DNAH11: variants seen among roughly 807,000 people sequenced by gnomAD.
The protein encoded by DNAH11 is axonemal beta dynein heavy chain 11.
Under a neutral mutation model 526.0 loss-of-function variants are expected in DNAH11, and 442 were observed. The ratio of observed to expected loss-of-function variants is 0.84; its 90% CI spans 0.78 to 0.91. The LOEUF is 0.91. Among genes scored for constraint, DNAH11 ranks in the 40% least tolerant of loss-of-function variants. The pLI is 0.00. For synonymous variants in DNAH11, 2,461 were observed against 1,935.9 expected, an observed-to-expected ratio of 1.27 and a Z score of -7.12; for missense variants, 6,989 against 5,448.7, an observed-to-expected ratio of 1.28 and a Z score of -8.90.
chr7:21,840,945 G>T (rs1009951250), intron 65 of DNAH11, among the ~76,000 whole-genome samples: 13 of 152,162 alleles, frequency 8.5e-5, no homozygotes, highest in Admixed American at 2.0e-4. Flanking sequence ...ACTTTGGAAG[G>T]CCAAGGCGGG....
At chr7:21,869,027 AAC>A (rs1562594363) in intron 73 of DNAH11, 36 bp downstream of exon 73, 4 of 1,612,606 alleles carry the variant, frequency 2.5e-6, no homozygotes, top group Non-Finnish European at 3.4e-6. Flanking sequence ...ACTGGGCATA[AAC>A]ACAGAGGAGG....
chr7:21,613,142 C>G (rs1339349620), intron 20 of DNAH11, among the ~76,000 whole-genome samples: 1 of 152,062 alleles, frequency 6.6e-6, no homozygotes, highest in Admixed American at 6.6e-5. Flanking sequence ...TAATGTAGTA[C>G]TATGCAGTAG....
At chr7:21,824,869 C>T (rs1453742436) in intron 65 of DNAH11, among the ~76,000 whole-genome samples, 2 of 152,082 alleles carry the variant, frequency 1.3e-5, no homozygotes, top group East Asian at 1.9e-4. Flanking sequence ...CTTGCAAATT[C>T]GTTACTATAA....
At chr7:21,787,619 C>G (rs771138644) in intron 60 of DNAH11, 36 bp downstream of exon 60, 3 of 1,530,084 alleles carry the variant, frequency 2.0e-6, no homozygotes, top group East Asian at 2.3e-5. Flanking sequence ...CAGATGTTCT[C>G]CACAAAGGGC....
At chr7:21,865,498 C>A (rs77204274) in intron 70 of DNAH11, among the ~76,000 whole-genome samples, 3 of 152,170 alleles carry the variant, frequency 2.0e-5, no homozygotes, top group Non-Finnish European at 4.4e-5. Flanking sequence ...GGAAATCAAC[C>A]AGGGGATGGG....
intron 2 of DNAH11, among the ~76,000 whole-genome samples, chr7:21,552,594 T>C (rs988652316): frequency 6.6e-6 from 1 of 152,170 alleles, no homozygotes; most frequent in Non-Finnish European, 1.5e-5. Flanking sequence ...ATTAAAAGAT[T>C]ATCTGTGTAT....
At position 21,711,739 on chromosome 7, in the gene DNAH11, A is replaced by T; in HGVS notation, c.6862A>T (p.Ile2288Phe). ...GCTGACCCTCGCCAGCAATGAGCGC[A>T]TTGCACTCACTCCCTTCATGAGGCT... ...KVLTLASNER[I>F]ALTPFMRLLF... The change falls in exon 42 of 82, where the codon ATT becomes TTT. Residue 2288 changes from isoleucine (I) to phenylalanine (F), a missense_variant. Ile to Phe is a conservative substitution (Grantham distance 21). Coordinates refer to ENST00000409508, the MANE Select transcript of DNAH11 (RefSeq NM_001277115.2). The T allele has an allele frequency of 6.2e-7, 1 of 1,613,762 alleles. No individual in the cohort carries two copies. Among genetic ancestry groups the T allele is most frequent in the Non-Finnish European group, 8.5e-7 (1 of 1,179,768 alleles).
intron 74 of DNAH11, among the ~76,000 whole-genome samples, chr7:21,876,979 G>C (rs1028645640): frequency 1.3e-5 from 2 of 152,220 alleles, no homozygotes; most frequent in African/African-American, 4.8e-5. Flanking sequence ...CTCCATCACA[G>C]ATGTCCTTTC....
intron 44 of DNAH11, among the ~76,000 whole-genome samples, chr7:21,725,227 C>T (rs565581413): frequency 2.0e-5 from 3 of 152,274 alleles, no homozygotes; most frequent in African/African-American, 7.2e-5. Context: ...AAACCAAGCC[C>T]ATGCGTTTAT....
intron 2 of DNAH11, among the ~76,000 whole-genome samples, chr7:21,553,070 A>ATTT (rs35121910): frequency 2.2e-4 from 15 of 66,766 alleles, no homozygotes; most frequent in African/African-American, 8.0e-4. Flanking sequence ...TATAAATGGG[A>ATTT]TTTTTTTTTT....
At chr7:21,553,001 T>C (rs1783078454) in intron 2 of DNAH11, among the ~76,000 whole-genome samples, 1 of 151,952 alleles carries the variant, frequency 6.6e-6, no homozygotes, top group Non-Finnish European at 1.5e-5. Context: ...TGCAGGGTTT[T>C]AATAGTCCAT....
intron 37 of DNAH11, among the ~76,000 whole-genome samples, chr7:21,704,077 C>G (rs148374250): frequency 0.014 from 2,148 of 152,274 alleles, 43 homozygotes; most frequent in African/African-American, 0.047. Context: ...TCTCAGAGTA[C>G]TTTGGATAAA....
chr7:21,896,107 G>A (rs1010654794), intron 79 of DNAH11, among the ~76,000 whole-genome samples: 7 of 152,194 alleles, frequency 4.6e-5, no homozygotes, highest in African/African-American at 7.2e-5. Flanking sequence ...GTCTGGAATT[G>A]TAGTTCCACC....
chr7:21,899,541 C>T (rs1221047734), intron 80 of DNAH11, 93 bp downstream of exon 80: 20 of 962,962 alleles, frequency 2.1e-5, no homozygotes, highest in Non-Finnish European at 3.2e-5. Context: ...GTCTCCTTGC[C>T]CTGCTCACCA....
At chr7:21,885,187 A>AAAAAG (rs1784084008) in intron 76 of DNAH11, among the ~76,000 whole-genome samples, 1 of 147,812 alleles carries the variant, frequency 6.8e-6, no homozygotes, top group Non-Finnish European at 1.5e-5. Context: ...AAAAAAAAAA[A>AAAAAG]ACACACACAT....
chr7:21,722,343 C>T (rs1299298746), intron 44 of DNAH11, among the ~76,000 whole-genome samples: 1 of 152,138 alleles, frequency 6.6e-6, no homozygotes, highest in East Asian at 1.9e-4. Context: ...GTTCATAGTG[C>T]TTCTATGGGT....
At chr7:21,609,121 G>A (rs1041646385) in intron 20 of DNAH11, among the ~76,000 whole-genome samples, 4 of 152,278 alleles carry the variant, frequency 2.6e-5, no homozygotes, top group South Asian at 4.1e-4. Flanking sequence ...AAGTACTACC[G>A]TTTCTTCACA....
Position 21,615,144 on chromosome 7 carries a change from G to T in DNAH11, c.3883G>T (p.Glu1295Ter), listed in dbSNP as rs1166294733. ...ANEELEALEE[E>*]MLQMQESTRL... ...TGAAGAGCTTGAGGCCTTAGAAGAA[G>T]AAATGTTGCAGATGCAAGAATCTAC... Residue 1295 changes from glutamate to a stop codon, truncating the protein, a stop_gained, in exon 21 of 82, where the codon GAA becomes TAA. Transcript: ENST00000409508. LOFTEE classifies it high-confidence loss of function. 6.2e-7 allele frequency: 1 copy of T among 1,612,440 alleles called. No individual in the cohort carries two copies.
intron 65 of DNAH11, among the ~76,000 whole-genome samples, chr7:21,838,148 A>G (rs189349052): frequency 6.8e-4 from 104 of 152,344 alleles, no homozygotes; most frequent in African/African-American, 2.4e-3. Context: ...AATTTTGATG[A>G]TGCTCTCCAC....
Sources: allele counts gnomAD v4.1 joint callset (sites outside exome capture counted in the v4.1 genomes callset), GRCh38; gene constraint gnomAD v4.1.1; transcripts MANE v1.5; gene names NCBI Gene and HGNC (gene_info 2026-07-23, HGNC 2026-07-21).